The following RBFOX1 variants were observed in gnomAD, a reference collection of about 807,000 sequenced individuals.
The protein encoded by RBFOX1 is RNA binding fox-1 homolog 1, also known as RNA binding protein fox-1 homolog 1.
RBFOX1 carries 8 observed loss-of-function variants against 57.7 expected under a neutral mutation model. The observed-to-expected ratio is 0.14, with a 90% confidence interval of 0.08 to 0.25. The LOEUF (loss-of-function observed/expected upper bound fraction) is 0.25. RBFOX1 is among the 10% of genes least tolerant of loss of function. The probability of loss-of-function intolerance (pLI) is 1.00; values close to 1 mark genes in which losing one functional copy is unlikely to be tolerated. For synonymous variants in RBFOX1, 326 were observed against 222.4 expected (o/e 1.47, Z -4.15); for missense variants, 611 against 548.5 (o/e 1.11, Z -1.14).
chr16:6,933,432 G>A (rs901453325), intron 3 of RBFOX1, among the ~76,000 whole-genome samples: 9 of 152,216 alleles, frequency 5.9e-5, no homozygotes, highest in Non-Finnish European at 1.0e-4. Flanking sequence ...GGCCATCCTG[G>A]CCAGGTGCAG....
intron 4 of RBFOX1, among the ~76,000 whole-genome samples, chr16:7,150,432 A>G (rs953223814): frequency 6.6e-6 from 1 of 152,156 alleles, no homozygotes; most frequent in Non-Finnish European, 1.5e-5. Context: ...AAACTGCTGA[A>G]TCACACTCCA....
At chr16:6,542,483 C>CTTTTTTTTTTTTTTTTTTTTTTTTTT (rs71145245) in intron 2 of RBFOX1, among the ~76,000 whole-genome samples, 1 of 55,720 alleles carries the variant, frequency 1.8e-5, no homozygotes, top group African/African-American at 7.6e-5. Context: ...GGACCATAGT[C>CTTTTTTTTTTTTTTTTTTTTTTTTTT]TTTTTTTTTT....
At chr16:7,431,536 C>G (rs2098680203) in intron 4 of RBFOX1, among the ~76,000 whole-genome samples, 1 of 152,188 alleles carries the variant, frequency 6.6e-6, no homozygotes, top group African/African-American at 2.4e-5. Flanking sequence ...CACCGCGCCA[C>G]TGTGCCCGGC....
intron 1 of RBFOX1, among the ~76,000 whole-genome samples, chr16:6,085,142 T>G (rs929181703): frequency 6.6e-5 from 10 of 152,150 alleles, no homozygotes; most frequent in African/African-American, 2.4e-4. Flanking sequence ...TCTGCTACTG[T>G]GCATGTTCTT....
intron 2 of RBFOX1, among the ~76,000 whole-genome samples, chr16:6,616,970 A>T (rs1296446559): frequency 6.6e-6 from 1 of 152,158 alleles, no homozygotes; most frequent in Non-Finnish European, 1.5e-5. Flanking sequence ...GAGTTTTGCA[A>T]CAGAGACCTT....
At chr16:7,424,663 T>G (rs1344246937) in intron 4 of RBFOX1, among the ~76,000 whole-genome samples, 1 of 152,208 alleles carries the variant, frequency 6.6e-6, no homozygotes, top group Admixed American at 6.5e-5. Context: ...TTGTTTCTTA[T>G]GTAGTGCCCA....
At chr16:5,944,541 G>T (rs537588564) in intron 4 of RBFOX1, among the ~76,000 whole-genome samples, 2 of 152,044 alleles carry the variant, frequency 1.3e-5, no homozygotes, top group South Asian at 4.2e-4. Flanking sequence ...CAAATCCCGA[G>T]TTGGTCCCTT....
chr16:5,836,027 C>A (rs776664597), intron 3 of RBFOX1, among the ~76,000 whole-genome samples: 7 of 152,194 alleles, frequency 4.6e-5, no homozygotes, highest in Non-Finnish European at 8.8e-5. Flanking sequence ...GTTGAGAACT[C>A]AGATTAGTCC....
chr16:6,468,116 T>C (rs1242080262), intron 2 of RBFOX1, among the ~76,000 whole-genome samples: 1 of 152,154 alleles, frequency 6.6e-6, no homozygotes, highest in Non-Finnish European at 1.5e-5. Flanking sequence ...AAATACTTTC[T>C]TGAAGTCAGC....
chr16:7,606,545 C>T (rs1211357211), intron 9 of RBFOX1, among the ~76,000 whole-genome samples: 1 of 152,152 alleles, frequency 6.6e-6, no homozygotes, highest in African/African-American at 2.4e-5. Context: ...AATGTGCTTT[C>T]CAATTTGAGA....
chr16:5,767,434 C>A (rs2053824904), intron 3 of RBFOX1, among the ~76,000 whole-genome samples: 1 of 152,260 alleles, frequency 6.6e-6, no homozygotes, highest in East Asian at 1.9e-4. Context: ...GCCCATTCAG[C>A]TGGGGAGAGG....
At chr16:6,507,158 C>T (rs1008565421) in intron 2 of RBFOX1, among the ~76,000 whole-genome samples, 6 of 152,188 alleles carry the variant, frequency 3.9e-5, no homozygotes, top group African/African-American at 1.4e-4. Context: ...CTCACCTCCA[C>T]TGCAGAGATG....
intron 1 of RBFOX1, among the ~76,000 whole-genome samples, chr16:6,148,544 T>G (rs2152718353): frequency 6.6e-6 from 1 of 152,258 alleles, no homozygotes; most frequent in Non-Finnish European, 1.5e-5. Context: ...CAGGAAAACC[T>G]TATCAAATTA....
At chr16:7,550,431 T>C (rs1166138534) in intron 5 of RBFOX1, among the ~76,000 whole-genome samples, 1 of 152,160 alleles carries the variant, frequency 6.6e-6, no homozygotes, top group African/African-American at 2.4e-5. Flanking sequence ...GTGGAATGTT[T>C]GTAGCAGCAG....
At chr16:6,240,263 G>A (rs190367197) in intron 1 of RBFOX1, among the ~76,000 whole-genome samples, 145 of 152,266 alleles carry the variant, frequency 9.5e-4, no homozygotes, top group African/African-American at 3.2e-3. Context: ...CCAGTCTCAG[G>A]TATTTCTTTA....
At chr16:6,132,974 A>AAAAG (rs1555519963) in intron 1 of RBFOX1, among the ~76,000 whole-genome samples, 23 of 148,074 alleles carry the variant, frequency 1.6e-4, no homozygotes, top group African/African-American at 3.6e-4. Flanking sequence ...CAAAAAAAAA[A>AAAAG]AAAAGAAAAG....
At chr16:5,652,884 A>T (rs1234371475) in intron 3 of RBFOX1, among the ~76,000 whole-genome samples, 2 of 152,242 alleles carry the variant, frequency 1.3e-5, no homozygotes, top group East Asian at 3.9e-4. Flanking sequence ...TGTAGGTAGC[A>T]TGATGTGTAT....
chr16:5,719,688 T>C (rs900770642), intron 3 of RBFOX1, among the ~76,000 whole-genome samples: 1 of 152,308 alleles, frequency 6.6e-6, no homozygotes, highest in Admixed American at 6.5e-5. Flanking sequence ...CCTGTGTTTT[T>C]TTGCTGAGCA....
At chr16:6,928,590 A>G (rs762220440) in intron 3 of RBFOX1, among the ~76,000 whole-genome samples, 5 of 152,090 alleles carry the variant, frequency 3.3e-5, no homozygotes, top group South Asian at 2.1e-4. Context: ...GGGATCAGCA[A>G]TGTGTCTTAC....
Sources: gnomAD v4.1 joint callset for allele counts (sites outside exome capture counted in the v4.1 genomes callset) on GRCh38, gnomAD v4.1.1 for gene constraint, MANE v1.5 for transcripts, NCBI Gene and HGNC (gene_info 2026-07-23, HGNC 2026-07-21) for gene names.